Variants in GSE1 observed in about 807,000 individuals in gnomAD.
GSE1 encodes Gse1 coiled-coil protein.
GSE1 carries 32 observed loss-of-function variants against 112.6 expected under a neutral mutation model. That is an observed-to-expected ratio of 0.28 (90% CI 0.21 to 0.38). The LOEUF (loss-of-function observed/expected upper bound fraction) is 0.38. Among genes scored for constraint, GSE1 ranks in the 10% least tolerant of loss-of-function variants. GSE1 has a pLI of 1.00. For synonymous variants in GSE1, 1,115 were observed against 735.6 expected (o/e 1.52, Z -8.35); for missense variants, 2,348 against 1,699.2 (o/e 1.38, Z -6.71).
chr16:85,413,238 C>T (rs1184579508), intron 2 of GSE1, among the ~76,000 whole-genome samples: 1 of 152,216 alleles, frequency 6.6e-6, no homozygotes, highest in African/African-American at 2.4e-5. Context: ...TGAGGGACCC[C>T]CATCTCCCAC....
intron 1 of GSE1, among the ~76,000 whole-genome samples, chr16:85,601,756 C>G (rs1462342697): frequency 1.3e-5 from 2 of 152,214 alleles, no homozygotes; most frequent in Non-Finnish European, 2.9e-5. Context: ...TTGCAGCCGA[C>G]GTGAGCTAGG....
intron 15 of GSE1, chr16:85,672,202 C>T (rs539964209): frequency 3.5e-4 from 203 of 579,170 alleles, no homozygotes; most frequent in African/African-American, 3.3e-3. Flanking sequence ...CCCATGTTGG[C>T]CAGGCTGGTC....
chr16:85,497,442 T>G (rs896764778), intron 2 of GSE1, among the ~76,000 whole-genome samples: 1 of 152,142 alleles, frequency 6.6e-6, no homozygotes, highest in Admixed American at 6.5e-5. Flanking sequence ...CACGGGATGG[T>G]TGGGATAGAC....
At chr16:85,242,790 G>T (rs557097477) in intron 1 of GSE1, among the ~76,000 whole-genome samples, 1 of 152,274 alleles carries the variant, frequency 6.6e-6, no homozygotes, top group South Asian at 2.1e-4. Context: ...AGGTGACCCT[G>T]TTTTATTTAA....
rs1181509223 is a variant in GSE1 at position 85,655,792 on chromosome 16, C to T, written c.864C>T (p.Ser288=). 3 of 1,609,948 alleles carry T rather than the reference C, an allele frequency of 1.9e-6. No individual in the cohort carries two copies. The highest frequency in any genetic ancestry group is 2.2e-5 in the South Asian group (2 of 91,020). The change falls in exon 6 of 16, where the codon TCC becomes TCT. Residue 288 remains serine, a synonymous_variant. Transcript: ENST00000253458. ...SPFYPIPTPG[S]LPPLHPSAMH... is the part of the protein sequence containing the mutation. ...TCTACCCCATCCCCACCCCCGGCTC[C>T]CTGCCCCCACTGCACCCATCAGCGA...
intron 2 of GSE1, among the ~76,000 whole-genome samples, chr16:85,477,566 GTT>G (rs553936246): frequency 7.8e-6 from 1 of 128,066 alleles, no homozygotes; most frequent in African/African-American, 2.9e-5. Flanking sequence ...TTTTTTTTTT[GTT>G]TTTTTTTTTT....
intron 1 of GSE1, among the ~76,000 whole-genome samples, chr16:85,623,802 C>T (rs1229103014): frequency 6.6e-6 from 1 of 152,204 alleles, no homozygotes; most frequent in East Asian, 1.9e-4. Context: ...CCCTTTCTGC[C>T]CCCGCGCCAC....
At chr16:85,610,180 G>A (rs142238912), upstream of GSE1, among the ~76,000 whole-genome samples, 28 of 152,334 alleles carry the variant, frequency 1.8e-4, no homozygotes, top group African/African-American at 6.3e-4. Flanking sequence ...TGTTGCCTTG[G>A]CACAAAGCAC....
chr16:85,591,066 C>T (rs1216762911), intron 1 of GSE1, among the ~76,000 whole-genome samples: 1 of 152,216 alleles, frequency 6.6e-6, no homozygotes, highest in Non-Finnish European at 1.5e-5. Context: ...CCTCCTTACT[C>T]TTGTTCGTGT....
chr16:85,226,602 G>T lies in GSE1; in HGVS notation c.2283+54795G>T, dbSNP rs116842129. 9.1e-3 allele frequency among the ~76,000 whole-genome samples: 1,390 copies of T among 152,260 alleles called. 10 individuals carry two copies. The highest frequency in any genetic ancestry group is 0.016 in the Non-Finnish European group (1,072 of 68,018). Reference sequence around the variant, plus strand: ...TGGGCCTCGGTTTCTTCTTAATAAGGTGAGGGAGCAGGCTGCTGCCGGTGC... The same window carrying T: ...TGGGCCTCGGTTTCTTCTTAATAAGTTGAGGGAGCAGGCTGCTGCCGGTGC... On this transcript the variant is annotated intron_variant, in intron 1 of 2. Transcript: ENST00000637419.
At chr16:85,522,513 C>T (rs1482502558) in intron 2 of GSE1, among the ~76,000 whole-genome samples, 2 of 139,268 alleles carry the variant, frequency 1.4e-5, no homozygotes, top group Non-Finnish European at 3.0e-5. Context: ...TGATTGGATC[C>T]AGCCAGTGGT....
intron 2 of GSE1, among the ~76,000 whole-genome samples, chr16:85,365,928 G>C (rs931800849): frequency 2.6e-5 from 4 of 152,208 alleles, no homozygotes; most frequent in African/African-American, 9.7e-5. Context: ...TGTGTCAAAC[G>C]GGGATGACGG....
intron 1 of GSE1, among the ~76,000 whole-genome samples, chr16:85,557,085 C>T (rs1241080230): frequency 1.3e-5 from 2 of 151,866 alleles, no homozygotes; most frequent in Non-Finnish European, 2.9e-5. Context: ...CTGAATTCAC[C>T]TTATTTGGAT....
intron 2 of GSE1, among the ~76,000 whole-genome samples, chr16:85,460,591 G>A (rs531441902): frequency 3.3e-4 from 50 of 152,362 alleles, no homozygotes; most frequent in South Asian, 1.4e-3. Context: ...TTAGGGGTTC[G>A]GGTGAATGAG....
chr16:85,324,390 A>G (rs1016601650), intron 1 of GSE1, among the ~76,000 whole-genome samples: 4 of 152,050 alleles, frequency 2.6e-5, no homozygotes, highest in Non-Finnish European at 4.4e-5. Context: ...CATGCCTGTA[A>G]TCGCAGCTAC....
At chr16:85,561,043 G>A (rs2045494893) in intron 1 of GSE1, among the ~76,000 whole-genome samples, 1 of 151,806 alleles carries the variant, frequency 6.6e-6, no homozygotes, top group Non-Finnish European at 1.5e-5. Flanking sequence ...GAGGTGAGAG[G>A]ATCACCTGGG....
chr16:85,442,934 C>T (rs763050654), intron 2 of GSE1, among the ~76,000 whole-genome samples: 1 of 152,190 alleles, frequency 6.6e-6, no homozygotes, highest in South Asian at 2.1e-4. Context: ...GTTGGTGACC[C>T]GTGGTGTCCC....
chr16:85,462,503 G>GA (rs2049995560), intron 2 of GSE1, among the ~76,000 whole-genome samples: 1 of 151,924 alleles, frequency 6.6e-6, no homozygotes, highest in African/African-American at 2.4e-5. Context: ...ATGGAGAAAT[G>GA]AAAAGCGGCC....
At chr16:85,261,515 G>T (rs1907680038) in intron 1 of GSE1, among the ~76,000 whole-genome samples, 1 of 152,226 alleles carries the variant, frequency 6.6e-6, no homozygotes, top group South Asian at 2.1e-4. Flanking sequence ...AGTCCAGCTG[G>T]TTCTGACTGA....
Sources: allele counts gnomAD v4.1 joint callset (sites outside exome capture counted in the v4.1 genomes callset), GRCh38; gene constraint gnomAD v4.1.1; transcripts MANE v1.5; gene names NCBI Gene and HGNC (gene_info 2026-07-23, HGNC 2026-07-21).